VPS37A: variants seen among roughly 807,000 people sequenced by gnomAD.
VPS37A encodes VPS37A subunit of ESCRT-I.
Under a neutral mutation model 49.8 loss-of-function variants are expected in VPS37A, and 30 were observed. That is an observed-to-expected ratio of 0.60 (90% CI 0.45 to 0.82). The LOEUF (loss-of-function observed/expected upper bound fraction) is 0.82, where lower values mean the gene tolerates loss of function less well. Ranked by LOEUF, VPS37A falls within the 40% of genes least tolerant of loss-of-function variation. VPS37A has a pLI of 0.00. For synonymous variants in VPS37A, 195 were observed against 160.6 expected (o/e 1.21, Z -1.62); for missense variants, 593 against 464.4 (o/e 1.28, Z -2.55).
chr8:17,300,570 A>T (rs1177794207), downstream of VPS37A, among the ~76,000 whole-genome samples: 2 of 152,242 alleles, frequency 1.3e-5, no homozygotes, highest in African/African-American at 4.8e-5. Flanking sequence ...ATTTTTTAGA[A>T]ATCATGAATG....
chr8:17,304,642 G>A, downstream of VPS37A: 1 of 935,812 alleles, frequency 1.1e-6, no homozygotes, highest in South Asian at 1.7e-5. Context: ...CTGTTCGATA[G>A]CAGGTAAATG....
downstream of VPS37A, chr8:17,299,611 A>G (rs113976261): frequency 1.1e-4 from 52 of 483,564 alleles, no homozygotes; most frequent in African/African-American, 8.9e-4. Context: ...TGCAGTGAAT[A>G]TAATTTTCAT....
At position 17,284,709 on chromosome 8, in the gene VPS37A, T is replaced by C. The variant is rs1815422135; in HGVS notation, c.1113+93T>C. The C allele has an allele frequency of 2.2e-6, 3 of 1,375,990 alleles. No homozygotes were observed. In the Admixed American group the frequency reaches 8.0e-5, roughly 37 times the overall value. 85.2% of individuals were successfully genotyped at this position (1,375,990 alleles called of 1,614,324 possible). On this transcript the variant is annotated intron_variant, in intron 10 of 11. Transcript: ENST00000324849. Reference sequence around the variant, plus strand: ...GCACTGGGTGTTAGCTATTTCTCTATTATGATATCATCCCCCTTTTTTTGT... The same window carrying C: ...GCACTGGGTGTTAGCTATTTCTCTACTATGATATCATCCCCCTTTTTTTGT...
chr8:17,256,115 A>C (rs778978671), intron 1 of VPS37A, among the ~76,000 whole-genome samples: 2 of 151,174 alleles, frequency 1.3e-5, no homozygotes, highest in African/African-American at 2.4e-5. Context: ...AGGTGCAGAG[A>C]TATTGTTAGT....
chr8:17,262,695 T>C (rs1813068517), intron 1 of VPS37A, among the ~76,000 whole-genome samples: 1 of 152,056 alleles, frequency 6.6e-6, no homozygotes, highest in African/African-American at 2.4e-5. Context: ...CTGCAAACAA[T>C]CTAAATATCT....
chr8:17,304,498 T>C (rs73666106), downstream of VPS37A: 2,229 of 1,613,838 alleles, frequency 1.4e-3, 35 homozygotes, highest in African/African-American at 0.025. Context: ...GAGCCCATAA[T>C]GAGTATGTTC....
chr8:17,266,854 C>T (rs994711698), intron 2 of VPS37A, among the ~76,000 whole-genome samples: 4 of 152,066 alleles, frequency 2.6e-5, no homozygotes, highest in African/African-American at 4.8e-5. Flanking sequence ...GCCACTGCAA[C>T]CTCCGCCTCC....
In VPS37A at chr8:17,284,807, C is replaced by G. The variant is rs17587134; in HGVS notation, c.1113+191C>G. 0.015 allele frequency among the ~76,000 whole-genome samples: 2,337 copies of G among 152,210 alleles called. 33 individuals are homozygous for G. Among genetic ancestry groups the G allele is most frequent in the Non-Finnish European group, 0.026 (1,750 of 68,018 alleles). The stretch of plus-strand genomic sequence containing the variant: ...TTGGGCAAAAACCAGGTTCCTGGAA[C>G]TTAAAACTTTGAAGGTCTGTCATAG... On this transcript the variant is annotated intron_variant, in intron 10 of 11. Transcript: ENST00000324849.
intron 11 of VPS37A, among the ~76,000 whole-genome samples, chr8:17,288,936 A>T (rs1285089639): frequency 5.9e-5 from 9 of 152,006 alleles, no homozygotes; most frequent in African/African-American, 2.2e-4. Context: ...ATGGTATCTC[A>T]TTGTGGTTTT....
At chr8:17,301,621 T>TA (rs1563311705), downstream of VPS37A, 1 of 152,742 alleles carries the variant, frequency 6.5e-6, no homozygotes, top group African/African-American at 2.4e-5. Flanking sequence ...AAGATGTTCA[T>TA]AAACTACATT....
chr8:17,330,585 T>G, the VPS37A span, among the ~76,000 whole-genome samples: 1 of 152,224 alleles, frequency 6.6e-6, no homozygotes, highest in Non-Finnish European at 1.5e-5. Context: ...TCCATCTCTT[T>G]AATTTCCTGT....
chr8:17,315,601 A>G, the VPS37A span, among the ~76,000 whole-genome samples: 1 of 152,132 alleles, frequency 6.6e-6, no homozygotes, highest in Non-Finnish European at 1.5e-5. Context: ...CTTCTGCTCA[A>G]TTTTGCTGTG....
At chr8:17,321,533 C>T in the VPS37A span, among the ~76,000 whole-genome samples, 1 of 152,200 alleles carries the variant, frequency 6.6e-6, no homozygotes. Context: ...AAGAGGTCTG[C>T]AGATGATTAA....
chr8:17,286,344 T>C lies in VPS37A; in HGVS notation c.1114-3T>C. The C allele has an allele frequency of 6.2e-7, 1 of 1,612,276 alleles. No individual in the cohort carries two copies. The highest frequency in any genetic ancestry group is 8.5e-7 in the Non-Finnish European group (1 of 1,179,202). On this transcript the variant is annotated splice_region_variant and splice_polypyrimidine_tract_variant and intron_variant, in intron 10 of 11. Coordinates refer to ENST00000324849, the MANE Select transcript of VPS37A (RefSeq NM_152415.3). ...CTGGTATTTTCAAAAATTTATTTTC[T>C]AGATTTGCCACTGTAGAAGAGCCAA...
the VPS37A span, chr8:17,313,404 G>A: frequency 6.3e-7 from 1 of 1,591,906 alleles, no homozygotes; most frequent in East Asian, 2.2e-5. Flanking sequence ...TTCACACACT[G>A]CAAGATAAAT....
At chr8:17,315,329 G>A in the VPS37A span, among the ~76,000 whole-genome samples, 1 of 152,180 alleles carries the variant, frequency 6.6e-6, no homozygotes. Context: ...GCGGCTGCCA[G>A]GGGTTAGGGT....
At chr8:17,300,959 C>T (rs769540105), downstream of VPS37A, among the ~76,000 whole-genome samples, 20 of 152,212 alleles carry the variant, frequency 1.3e-4, no homozygotes, top group Non-Finnish European at 2.9e-4. Flanking sequence ...TACTTCATTC[C>T]TTTTTCTGGC....
intron 8 of VPS37A, 37 bp from the exon 9 acceptor site, chr8:17,280,338 A>C: frequency 6.2e-7 from 1 of 1,602,548 alleles, no homozygotes; most frequent in Non-Finnish European, 8.5e-7. Context: ...CATAATTTAA[A>C]AATAGAATAA....
chr8:17,270,063 C>G (rs1214414198), intron 4 of VPS37A, among the ~76,000 whole-genome samples: 1 of 151,998 alleles, frequency 6.6e-6, no homozygotes, highest in East Asian at 1.9e-4. Context: ...GTACCACACC[C>G]TTTTAAACAG....
Sources: gnomAD v4.1 joint callset for allele counts (sites outside exome capture counted in the v4.1 genomes callset) on GRCh38, gnomAD v4.1.1 for gene constraint, MANE v1.5 for transcripts, NCBI Gene and HGNC (gene_info 2026-07-23, HGNC 2026-07-21) for gene names.